The following TMEM131 variants were observed in gnomAD, a reference collection of about 807,000 sequenced individuals.
TMEM131 encodes the protein 2610524E03Rik.
A neutral mutation model predicts 211.6 loss-of-function variants in TMEM131; 66 were observed. The observed-to-expected ratio is 0.31, with a 90% CI of 0.26 to 0.38. The LOEUF is 0.38. TMEM131 is among the 10% of genes least tolerant of loss of function. TMEM131 has a pLI of 1.00. For missense variants in TMEM131, 2,036 were observed against 2,299.3 expected, an observed-to-expected ratio of 0.89 and a Z score of 2.34; for synonymous variants, 844 against 841.3, an observed-to-expected ratio of 1.00 and a Z score of -0.06.
chr2:97,881,723 A>AGGG lies in TMEM131; in HGVS notation c.359+6326_359+6328dup, dbSNP rs59488414. ...GGATAACTGCAAAAAAAAAAAAAAA[A>AGGG]GGGGGGGGGGCGGGGGAGGTAGATG... On this transcript the variant is annotated intron_variant, in intron 4 of 40. Transcript: ENST00000186436. Among the ~76,000 whole-genome samples the AGGG allele has an allele frequency of 2.7e-4, 18 of 65,542 alleles. No homozygotes were observed. The East Asian group carries it at 6.4e-3, about 23-fold the overall frequency. The allele number at this position is 65,542 out of a possible 152,430, so 43.0% of individuals were successfully genotyped here. A position where few individuals can be genotyped will look rare whatever the true frequency, so the allele number is the denominator to read the frequency against.
chr2:97,943,349 G>A (rs560304569), intron 1 of TMEM131, among the ~76,000 whole-genome samples: 36 of 152,044 alleles, frequency 2.4e-4, no homozygotes, highest in Non-Finnish European at 3.7e-4. Context: ...AATCAGACAC[G>A]GTCATCACAA....
intron 1 of TMEM131, among the ~76,000 whole-genome samples, chr2:97,956,537 A>C (rs1246796010): frequency 1.3e-5 from 2 of 152,190 alleles, no homozygotes; most frequent in African/African-American, 4.8e-5. Flanking sequence ...GTCATACTCC[A>C]AAGTGGTAAA....
intron 33 of TMEM131, among the ~76,000 whole-genome samples, chr2:97,767,674 A>T (rs898767479): frequency 6.6e-6 from 1 of 152,140 alleles, no homozygotes; most frequent in Non-Finnish European, 1.5e-5. Flanking sequence ...TTTCATTCCA[A>T]ATCTACAAAG....
chr2:97,822,932 G>T (rs779922494), intron 11 of TMEM131, among the ~76,000 whole-genome samples: 1 of 152,002 alleles, frequency 6.6e-6, no homozygotes, highest in Non-Finnish European at 1.5e-5. Flanking sequence ...CTGCACTACG[G>T]CCTGGTCCCA....
chr2:97,992,891 A>G (rs1354650336), intron 1 of TMEM131, among the ~76,000 whole-genome samples: 1 of 152,220 alleles, frequency 6.6e-6, no homozygotes, highest in Non-Finnish European at 1.5e-5. Context: ...AAACTCTTTC[A>G]AAGTCCTTAC....
intron 36 of TMEM131, 89 bp downstream of exon 36, chr2:97,761,946 T>G: frequency 7.3e-7 from 1 of 1,365,130 alleles, no homozygotes; most frequent in Non-Finnish European, 9.7e-7. Context: ...CAGTGGCCTG[T>G]GGCCGCTAAG....
chr2:97,818,836 G>T, intron 11 of TMEM131, 115 bp from the exon 12 acceptor site: 1 of 644,666 alleles, frequency 1.6e-6, no homozygotes, highest in Non-Finnish European at 2.6e-6. Flanking sequence ...AATTTGAAAA[G>T]TTTAACTTAT....
intron 28 of TMEM131, among the ~76,000 whole-genome samples, chr2:97,795,538 A>G (rs1308613828): frequency 6.6e-6 from 1 of 152,104 alleles, no homozygotes; most frequent in Non-Finnish European, 1.5e-5. Flanking sequence ...TGTTGCAATT[A>G]TTCTATTTTT....
At chr2:97,860,201 T>C (rs1559406866) in intron 4 of TMEM131, among the ~76,000 whole-genome samples, 1 of 152,192 alleles carries the variant, frequency 6.6e-6, no homozygotes, top group Non-Finnish European at 1.5e-5. Context: ...ACACACCCAC[T>C]AGTTACTAGG....
intron 5 of TMEM131, among the ~76,000 whole-genome samples, chr2:97,849,837 G>A (rs1673531823): frequency 6.7e-6 from 1 of 149,742 alleles, no homozygotes; most frequent in Non-Finnish European, 1.5e-5. Context: ...TGTTCCCCTG[G>A]GGCAAGAACA....
intron 19 of TMEM131, among the ~76,000 whole-genome samples, chr2:97,806,439 G>A (rs1356124660): frequency 2.6e-5 from 4 of 152,172 alleles, no homozygotes; most frequent in Non-Finnish European, 5.9e-5. Flanking sequence ...TACTGGGGAG[G>A]CTGAGGCAGG....
chr2:97,757,001 G>T lies in TMEM131; in HGVS notation c.*98C>A. ...GTTTTGCAAAGAAGAGGAGGGTGGG[G>T]AGGGGAGCTGCAGTAAGAGCCTTAA... On this transcript the variant is annotated 3_prime_UTR_variant, in exon 41 of 41. Coordinates refer to ENST00000186436, the MANE Select transcript of TMEM131 (RefSeq NM_015348.2). 1 of 1,399,942 alleles carries T rather than the reference G, an allele frequency of 7.1e-7. No homozygotes were observed. The highest frequency in any genetic ancestry group is 1.4e-5 in the African/African-American group (1 of 69,150). 86.7% of individuals were successfully genotyped at this position (1,399,942 alleles called of 1,614,324 possible). A position where few individuals can be genotyped will look rare whatever the true frequency, so the allele number is the denominator to read the frequency against.
At chr2:97,800,595 C>CAAAAAAAAAAAAAAAA (rs3064071) in intron 25 of TMEM131, among the ~76,000 whole-genome samples, 2 of 123,266 alleles carry the variant, frequency 1.6e-5, no homozygotes, top group African/African-American at 3.4e-5. Flanking sequence ...ACTAAAAATA[C>CAAAAAAAAAAAAAAAA]AAAAAAAAAA....
chr2:97,877,475 C>T (rs1051585430), intron 4 of TMEM131, among the ~76,000 whole-genome samples: 9 of 152,160 alleles, frequency 5.9e-5, no homozygotes, highest in African/African-American at 1.2e-4. Context: ...GCTACAGTAA[C>T]GAAAACAGTA....
At chr2:97,864,240 C>T (rs933116219) in intron 4 of TMEM131, among the ~76,000 whole-genome samples, 12 of 151,784 alleles carry the variant, frequency 7.9e-5, no homozygotes, top group Admixed American at 4.6e-4. Flanking sequence ...AGGATAGCAG[C>T]GGGGATGGGT....
At chr2:97,873,870 G>A (rs563284221) in intron 4 of TMEM131, among the ~76,000 whole-genome samples, 2 of 152,350 alleles carry the variant, frequency 1.3e-5, no homozygotes, top group African/African-American at 2.4e-5. Context: ...TGGAGAATGA[G>A]TTTGACGAAC....
At chr2:97,897,557 T>C (rs962729497) in intron 3 of TMEM131, among the ~76,000 whole-genome samples, 4 of 152,174 alleles carry the variant, frequency 2.6e-5, no homozygotes, top group African/African-American at 9.6e-5. Context: ...AAAAATTATA[T>C]TGTTTTCAAA....
chr2:97,995,824 G>A lies in TMEM131; in HGVS notation c.-162C>T, dbSNP rs1559498645. 1 of 331,670 alleles carries A rather than the reference G, an allele frequency of 3.0e-6. No homozygotes were observed. Among genetic ancestry groups the A allele is most frequent in the Non-Finnish European group, 5.0e-6 (1 of 201,804 alleles). 20.5% of individuals were successfully genotyped at this position (331,670 alleles called of 1,614,324 possible). ...TCCGAGCGTGGGCCTGGGTCCGTGC[G>A]TGCGTGTGAGCGAGAGTGTCAGTCA... On this transcript the variant is annotated 5_prime_UTR_variant, in exon 1 of 41. It adds an upstream start codon to the 5' untranslated region. Coordinates refer to ENST00000186436, the MANE Select transcript of TMEM131 (RefSeq NM_015348.2).
intron 31 of TMEM131, among the ~76,000 whole-genome samples, chr2:97,784,144 C>CA (rs2104851355): frequency 6.6e-6 from 1 of 152,062 alleles, no homozygotes; most frequent in Non-Finnish European, 1.5e-5. Context: ...TTGGAGATGT[C>CA]AACAACCTTC....
Sources: gnomAD v4.1 joint callset for allele counts (sites outside exome capture counted in the v4.1 genomes callset) on GRCh38, gnomAD v4.1.1 for gene constraint, MANE v1.5 for transcripts, NCBI Gene and HGNC (gene_info 2026-07-23, HGNC 2026-07-21) for gene names.